Variants in PCDHGA7 observed in about 807,000 individuals in gnomAD.
PCDHGA7 encodes the protein protocadherin gamma subfamily A, 7, also known as protocadherin gamma-A7.
Under a neutral mutation model 58.3 loss-of-function variants are expected in PCDHGA7, and 44 were observed. The observed-to-expected ratio is 0.75, with a 90% CI of 0.59 to 0.97. The LOEUF is 0.97. PCDHGA7 is among the 50% of genes least tolerant of loss of function. The probability of loss-of-function intolerance (pLI) is 0.00; values close to 1 mark genes in which losing one functional copy is unlikely to be tolerated. For synonymous variants in PCDHGA7, 516 were observed against 504.2 expected, an observed-to-expected ratio of 1.02 and a Z score of -0.31; for missense variants, 1,266 against 1,188.7, an observed-to-expected ratio of 1.06 and a Z score of -0.96.
chr5:141,433,358 C>CCCATCTAT (rs1554125967), intron 1 of PCDHGA7: 6 of 503,934 alleles, frequency 1.2e-5, no homozygotes, highest in Admixed American at 3.6e-5. Context: ...CTACTGTCTG[C>CCCATCTAT]CTATCTATCT....
chr5:141,510,840 A>C (rs2099882997), intron 3 of PCDHGA7, 107 bp from the exon 4 acceptor site: 1 of 1,588,450 alleles, frequency 6.3e-7, no homozygotes, highest in Non-Finnish European at 8.6e-7. Context: ...CAGCGTGGTC[A>C]AGGCCCAGGG....
At chr5:141,495,240 C>T (rs2099759761) in intron 2 of PCDHGA7, among the ~76,000 whole-genome samples, 1 of 152,182 alleles carries the variant, frequency 6.6e-6, no homozygotes, top group South Asian at 2.1e-4. Context: ...TCCATTATGA[C>T]CTGGGGCTCA....
chr5:141,487,905 G>C lies in PCDHGA7; in HGVS notation c.2425-6902G>C. The C allele has an allele frequency of 1.5e-6, 1 of 686,388 alleles. No individual in the cohort carries two copies. 42.5% of individuals were successfully genotyped at this position (686,388 alleles called of 1,614,324 possible). On this transcript the variant is annotated intron_variant, in intron 1 of 3. Transcript: ENST00000518325. This position sits in a 1 kb window ranked among gnomAD's most constrained non-coding sequence, Gnocchi z 5.0. ...GTGGAAGCATGATGATGGAATGTGG[G>C]AGCACAGGAGGCTACAGTGCACAGG...
chr5:141,412,940 T>C, intron 1 of PCDHGA7: 1 of 463,218 alleles, frequency 2.2e-6, no homozygotes, highest in Non-Finnish European at 3.8e-6. Flanking sequence ...CTTAGGACTC[T>C]GAGCGCCGCT....
At chr5:141,484,943 C>T (rs542244720) in intron 1 of PCDHGA7, 14 of 546,098 alleles carry the variant, frequency 2.6e-5, no homozygotes, top group African/African-American at 2.3e-4. Flanking sequence ...GTTCTCTGCT[C>T]AGCCTATTGG....
intron 1 of PCDHGA7, chr5:141,403,339 C>T (rs2094393588): frequency 1.2e-6 from 2 of 1,613,892 alleles, no homozygotes; most frequent in Admixed American, 1.7e-5. Context: ...TTAACGACAG[C>T]GCCCCAAAGT....
intron 1 of PCDHGA7, chr5:141,403,468 C>G: frequency 6.2e-7 from 1 of 1,614,054 alleles, no homozygotes; most frequent in Non-Finnish European, 8.5e-7. Flanking sequence ...GCTACCAGCT[C>G]AGCCCCAATC....
chr5:141,450,776 C>G (rs757791026), intron 1 of PCDHGA7, among the ~76,000 whole-genome samples: 1 of 151,440 alleles, frequency 6.6e-6, no homozygotes, highest in Non-Finnish European at 1.5e-5. Flanking sequence ...CATGAGCCAC[C>G]GTGCCCGGAC....
chr5:141,387,938 T>G (rs1461367286), intron 1 of PCDHGA7: 1 of 1,476,714 alleles, frequency 6.8e-7, no homozygotes, highest in South Asian at 1.4e-5. Context: ...CAGTGCTCTT[T>G]CTCTTCCTGC....
chr5:141,485,661 G>A lies in PCDHGA7; in HGVS notation c.2425-9146G>A. On this transcript the variant is annotated intron_variant, in intron 1 of 3. Transcript: ENST00000518325. This position sits in a 1 kb window ranked among gnomAD's most constrained non-coding sequence, Gnocchi z 5.7. ...GAAAAGGCTCAGGATGCAGATGTGGGGAGCAATTCGATTAGCAGCTATAGG... is the reference window on the plus strand; with the variant it reads ...GAAAAGGCTCAGGATGCAGATGTGGAGAGCAATTCGATTAGCAGCTATAGG... 2 of 1,612,678 alleles carry A rather than the reference G, an allele frequency of 1.2e-6. No individual in the cohort carries two copies. Among genetic ancestry groups the A allele is most frequent in the Non-Finnish European group, 1.7e-6 (2 of 1,178,884 alleles).
intron 1 of PCDHGA7, among the ~76,000 whole-genome samples, chr5:141,460,963 G>A (rs760674165): frequency 3.0e-4 from 27 of 89,804 alleles, no homozygotes; most frequent in Admixed American, 4.3e-4. Context: ...ATATATATAT[G>A]TGTGTGTGTG....
chr5:141,398,017 A>AAACTGG (rs1270977201), intron 1 of PCDHGA7: 25 of 1,422,582 alleles, frequency 1.8e-5, no homozygotes, highest in Non-Finnish European at 2.2e-5. Context: ...ATCGTTTCCT[A>AAACTGG]AACTGGAACT....
At chr5:141,419,567 G>A in intron 1 of PCDHGA7, 1 of 1,611,758 alleles carries the variant, frequency 6.2e-7, no homozygotes, top group Non-Finnish European at 8.5e-7. Context: ...GCTGGGTCCC[G>A]ACGGCTCCGC....
intron 1 of PCDHGA7, chr5:141,390,073 G>C: frequency 6.2e-7 from 1 of 1,614,074 alleles, no homozygotes; most frequent in Non-Finnish European, 8.5e-7. Context: ...CCTGGTCTCT[G>C]TGTTAAATCC....
chr5:141,394,298 G>A (rs763864270), intron 1 of PCDHGA7: 1 of 1,613,840 alleles, frequency 6.2e-7, no homozygotes, highest in African/African-American at 1.3e-5. Context: ...CCGAGGACAC[G>A]CTGCAGGGGG....
chr5:141,473,053 TACA>T (rs1452453123), intron 1 of PCDHGA7, among the ~76,000 whole-genome samples: 1 of 150,200 alleles, frequency 6.7e-6, no homozygotes, highest in Non-Finnish European at 1.5e-5. Flanking sequence ...AAAGAAGTGA[TACA>T]ACAAGTTACA....
chr5:141,488,054 A>G (rs1255295788), intron 1 of PCDHGA7, among the ~76,000 whole-genome samples: 1 of 152,206 alleles, frequency 6.6e-6, no homozygotes, highest in Admixed American at 6.5e-5. Flanking sequence ...TTGAGGGGAA[A>G]TAAAATCTTT....
At chr5:141,430,642 A>C in intron 1 of PCDHGA7, 2 of 918,498 alleles carry the variant, frequency 2.2e-6, no homozygotes, top group South Asian at 5.1e-5. Flanking sequence ...CCCTGGGAGT[A>C]TGTGGAAACA....
rs773609097 is a variant in PCDHGA7 at position 141,408,614 on chromosome 5, A to C, written c.2424+23291A>C. 2.2e-5 allele frequency: 36 copies of C among 1,614,008 alleles called. No individual in the cohort carries two copies. Among genetic ancestry groups the C allele is most frequent in the Non-Finnish European group, 3.1e-5 (36 of 1,179,890 alleles). On this transcript the variant is annotated intron_variant, in intron 1 of 3. Coordinates refer to ENST00000518325, the MANE Select transcript of PCDHGA7 (RefSeq NM_018920.4). The stretch of plus-strand genomic sequence containing the variant: ...CGCCCCTCAATTTGATAAAAAGGAA[A>C]TACATTTAGAAATTTTCGAATCTGC...
Sources: allele counts gnomAD v4.1 joint callset (sites outside exome capture counted in the v4.1 genomes callset), GRCh38; gene constraint gnomAD v4.1.1; non-coding constraint Gnocchi (gnomAD v3.1); transcripts MANE v1.5; gene names NCBI Gene and HGNC (gene_info 2026-07-23, HGNC 2026-07-21).